Variants in ZFPM2 observed in about 807,000 individuals in gnomAD.
ZFPM2 encodes zinc finger protein ZFPM2.
ZFPM2 carries 20 observed loss-of-function variants against 98.6 expected under a neutral mutation model. That is an observed-to-expected ratio of 0.20 (90% CI 0.14 to 0.29). The LOEUF (loss-of-function observed/expected upper bound fraction) is 0.29, where lower values mean the gene tolerates loss of function less well. Among genes scored for constraint, ZFPM2 ranks in the 10% least tolerant of loss-of-function variants. The pLI, the probability that ZFPM2 is intolerant of heterozygous loss-of-function variation, is 1.00. For synonymous variants in ZFPM2, 518 were observed against 502.7 expected (o/e 1.03, Z -0.41); for missense variants, 1,310 against 1,388.6 (o/e 0.94, Z 0.90).
At chr8:105,650,510 A>G (rs1423846565) in intron 5 of ZFPM2, among the ~76,000 whole-genome samples, 2 of 152,184 alleles carry the variant, frequency 1.3e-5, no homozygotes, top group Non-Finnish European at 2.9e-5. Flanking sequence ...TCTGATGGGC[A>G]TTTAGTGCTA....
At chr8:105,649,741 A>G (rs1426994651) in intron 5 of ZFPM2, among the ~76,000 whole-genome samples, 1 of 152,118 alleles carries the variant, frequency 6.6e-6, no homozygotes, top group Non-Finnish European at 1.5e-5. Flanking sequence ...CCACTTGATC[A>G]TGGTGGATAA....
chr8:105,407,873 A>T (rs1811493074), intron 1 of ZFPM2, among the ~76,000 whole-genome samples: 1 of 151,960 alleles, frequency 6.6e-6, no homozygotes, highest in African/African-American at 2.4e-5. Context: ...CTTCCTGCAT[A>T]TGATGCCATA....
chr8:105,495,990 G>A (rs1243452287), intron 3 of ZFPM2, among the ~76,000 whole-genome samples: 8 of 151,970 alleles, frequency 5.3e-5, no homozygotes, highest in Non-Finnish European at 8.8e-5. Context: ...ATGATTTTAC[G>A]TAGCCATATT....
intron 1 of ZFPM2, among the ~76,000 whole-genome samples, chr8:105,405,746 G>A (rs1033240769): frequency 8.5e-5 from 13 of 152,194 alleles, no homozygotes; most frequent in Admixed American, 2.6e-4. Flanking sequence ...ACATATGTGT[G>A]CATGTGTCTT....
intron 4 of ZFPM2, among the ~76,000 whole-genome samples, chr8:105,623,029 T>C (rs1478581208): frequency 5.3e-5 from 8 of 152,172 alleles, no homozygotes; most frequent in Admixed American, 3.9e-4. Context: ...ATATTTGAAT[T>C]GATGGAAGAA....
rs568841998 is a variant in ZFPM2 at position 105,766,362 on chromosome 8, A to G, written c.533-22356A>G. On this transcript the variant is annotated intron_variant, in intron 5 of 7. Transcript: ENST00000407775. ...TTCCTCATAATCAAAAGTGATAGCT[A>G]GGATGACAATTTACATCTGGGATGT... Among the ~76,000 whole-genome samples the G allele has an allele frequency of 1.5e-4, 23 of 152,058 alleles. No homozygotes were observed. The South Asian group carries it at 4.3e-3, about 29-fold the overall frequency.
At chr8:105,445,592 C>A (rs1812351181) in intron 3 of ZFPM2, among the ~76,000 whole-genome samples, 3 of 150,492 alleles carry the variant, frequency 2.0e-5, no homozygotes, top group South Asian at 4.2e-4. Flanking sequence ...AGTGAGTGAA[C>A]TTTTATATAT....
chr8:105,533,942 T>TCCTC (rs1563704116), intron 3 of ZFPM2, among the ~76,000 whole-genome samples: 1 of 12,458 alleles, frequency 8.0e-5, no homozygotes, highest in Admixed American at 6.2e-4. Flanking sequence ...CTCCCTCCCT[T>TCCTC]CCTTCTTTCC....
intron 2 of ZFPM2, among the ~76,000 whole-genome samples, chr8:105,438,598 A>C (rs1052671840): frequency 6.6e-5 from 10 of 152,270 alleles, no homozygotes; most frequent in African/African-American, 2.4e-4. Context: ...ATTTTGGGGT[A>C]GACTTAACCA....
At chr8:105,391,233 A>G (rs913526244) in intron 1 of ZFPM2, among the ~76,000 whole-genome samples, 3 of 152,154 alleles carry the variant, frequency 2.0e-5, no homozygotes, top group African/African-American at 7.2e-5. Flanking sequence ...AATTCTCACA[A>G]TGTATTGGAC....
chr8:105,543,505 A>G (rs1304165618), intron 3 of ZFPM2, among the ~76,000 whole-genome samples: 1 of 152,186 alleles, frequency 6.6e-6, no homozygotes, highest in Non-Finnish European at 1.5e-5. Flanking sequence ...CTGACTCAAC[A>G]TGGATTACAT....
chr8:105,636,731 G>A (rs559780843), intron 5 of ZFPM2, among the ~76,000 whole-genome samples: 1 of 152,230 alleles, frequency 6.6e-6, no homozygotes, highest in African/African-American at 2.4e-5. Context: ...CACTGAAATA[G>A]ACATTTCACA....
intron 5 of ZFPM2, among the ~76,000 whole-genome samples, chr8:105,650,827 G>T (rs549615933): frequency 6.6e-6 from 1 of 152,182 alleles, no homozygotes; most frequent in Non-Finnish European, 1.5e-5. Flanking sequence ...TAAGTGCGAT[G>T]TGGTGCTGAG....
chr8:105,748,343 T>C (rs779504234), intron 5 of ZFPM2, among the ~76,000 whole-genome samples: 9 of 152,072 alleles, frequency 5.9e-5, no homozygotes, highest in Non-Finnish European at 1.3e-4. Flanking sequence ...ATTTTAAATC[T>C]GAAAGAGAAT....
intron 1 of ZFPM2, among the ~76,000 whole-genome samples, chr8:105,379,451 T>A (rs1210417850): frequency 6.6e-6 from 1 of 152,132 alleles, no homozygotes; most frequent in Non-Finnish European, 1.5e-5. Flanking sequence ...GTGGCCAAAA[T>A]TTAATTAAAA....
intron 4 of ZFPM2, among the ~76,000 whole-genome samples, chr8:105,572,101 G>C (rs1249208030): frequency 6.9e-6 from 1 of 145,842 alleles, no homozygotes; most frequent in Non-Finnish European, 1.5e-5. Flanking sequence ...GCAATGGTGC[G>C]ATCTCATCTC....
intron 5 of ZFPM2, among the ~76,000 whole-genome samples, chr8:105,679,282 A>C (rs1810546911): frequency 6.6e-6 from 1 of 152,184 alleles, no homozygotes; most frequent in Admixed American, 6.5e-5. Context: ...CCCACATGGC[A>C]ACAAATGATT....
chr8:105,654,638 A>C (rs1563507005), intron 5 of ZFPM2, among the ~76,000 whole-genome samples: 2 of 152,152 alleles, frequency 1.3e-5, no homozygotes, highest in Non-Finnish European at 2.9e-5. Flanking sequence ...TGGAAATGAA[A>C]GAACTGTTGT....
chr8:105,439,627 T>C (rs745539561), intron 2 of ZFPM2, among the ~76,000 whole-genome samples: 9 of 152,212 alleles, frequency 5.9e-5, no homozygotes, highest in Non-Finnish European at 1.2e-4. Context: ...GGATAAGTTA[T>C]TGACCCTATC....
Sources: allele counts gnomAD v4.1 joint callset (sites outside exome capture counted in the v4.1 genomes callset), GRCh38; gene constraint gnomAD v4.1.1; transcripts MANE v1.5; gene names NCBI Gene and HGNC (gene_info 2026-07-23, HGNC 2026-07-21).